The following IL1RAPL2 variants were observed in gnomAD, a reference collection of about 807,000 sequenced individuals.
IL1RAPL2 encodes interleukin 1 receptor accessory protein like 2.
Under a neutral mutation model 44.1 loss-of-function variants are expected in IL1RAPL2, and 3 were observed. The observed-to-expected ratio is 0.07, with a 90% CI of 0.03 to 0.18. IL1RAPL2 has a LOEUF of 0.18. IL1RAPL2 is among the 10% of genes least tolerant of loss of function. The pLI is 1.00. For missense variants in IL1RAPL2, 391 were observed against 496.4 expected, an observed-to-expected ratio of 0.79 and a Z score of 2.02; for synonymous variants, 181 against 178.8, an observed-to-expected ratio of 1.01 and a Z score of -0.10.
chrX:105,139,015 G>T (rs1052842477), intron 2 of IL1RAPL2, among the ~76,000 whole-genome samples: 3 of 111,307 alleles, frequency 2.7e-5, no homozygotes, highest in African/African-American at 9.8e-5. Flanking sequence ...CATACTAATG[G>T]TGATAATTTA....
chrX:105,586,526 G>A, intron 6 of IL1RAPL2, among the ~76,000 whole-genome samples: 1 of 111,545 alleles, frequency 9.0e-6, no homozygotes, highest in Non-Finnish European at 1.9e-5. Context: ...TTGAAATTTT[G>A]GTTTATGCCC....
At chrX:105,516,504 G>T (rs918220527) in intron 6 of IL1RAPL2, among the ~76,000 whole-genome samples, 3 of 111,760 alleles carry the variant, frequency 2.7e-5, no homozygotes, top group Non-Finnish European at 5.7e-5. Context: ...CTTTTAGAAG[G>T]TCAGTGAAAG....
Position 105,462,105 on chromosome X carries a change from T to A in IL1RAPL2, c.698-22208T>A, listed in dbSNP as rs771331525. Among the ~76,000 whole-genome samples, 4 of 111,249 alleles carry A rather than the reference T, an allele frequency of 3.6e-5. No homozygotes were observed. The East Asian group carries it at 1.1e-3, about 32-fold the overall frequency. On this transcript the variant is annotated intron_variant, in intron 5 of 10. Transcript: ENST00000372582. ...AACTTTCATACTGCGTCATTAATTCTTCCAGCCTGGGGATAGTCCCCAAAT... is the reference window on the plus strand; with the variant it reads ...AACTTTCATACTGCGTCATTAATTCATCCAGCCTGGGGATAGTCCCCAAAT...
At chrX:104,600,786 G>A (rs1224006772) in intron 1 of IL1RAPL2, among the ~76,000 whole-genome samples, 1 of 111,443 alleles carries the variant, frequency 9.0e-6, no homozygotes, top group Non-Finnish European at 1.9e-5. Context: ...TTCTGTTCCT[G>A]CATTAATTTG....
At chrX:105,478,251 A>G (rs1024016954) in intron 5 of IL1RAPL2, among the ~76,000 whole-genome samples, 4 of 111,328 alleles carry the variant, frequency 3.6e-5, no homozygotes, top group African/African-American at 1.3e-4. Context: ...TAGTTTCACA[A>G]CTGGGGGAAG....
In IL1RAPL2 at chrX:105,401,043, A is replaced by T. The variant is rs576569327; in HGVS notation, c.698-83270A>T. 7.2e-5 allele frequency among the ~76,000 whole-genome samples: 8 copies of T among 111,707 alleles called. No homozygotes were observed. The South Asian group carries it at 1.9e-3, about 26-fold the overall frequency. ...GAGGGGAGGAACAATTAATATTCAC[A>T]TGGCAGAAGGCAGAAGATCAAAGAG... On this transcript the variant is annotated intron_variant, in intron 5 of 10. Transcript: ENST00000372582.
At chrX:104,625,219 C>T (rs1929478072) in intron 1 of IL1RAPL2, among the ~76,000 whole-genome samples, 1 of 111,565 alleles carries the variant, frequency 9.0e-6, no homozygotes, top group Non-Finnish European at 1.9e-5. Context: ...CATCTATCCA[C>T]ATACCTGTGC....
At chrX:104,946,188 A>G (rs1452900258) in intron 2 of IL1RAPL2, among the ~76,000 whole-genome samples, 1 of 102,091 alleles carries the variant, frequency 9.8e-6, no homozygotes, top group Non-Finnish European at 2.0e-5. Flanking sequence ...CTGGCTAACA[A>G]GGTGAAACCC....
chrX:105,697,256 C>A (rs1254860732), intron 6 of IL1RAPL2, among the ~76,000 whole-genome samples: 1 of 98,324 alleles, frequency 1.0e-5, no homozygotes, highest in African/African-American at 3.9e-5. Context: ...AGGGGACAAA[C>A]ATCCAAACTA....
chrX:104,637,753 G>T (rs1189645967), intron 1 of IL1RAPL2, among the ~76,000 whole-genome samples: 1 of 107,620 alleles, frequency 9.3e-6, no homozygotes, highest in Non-Finnish European at 1.9e-5. Flanking sequence ...TGTTCCTCAG[G>T]GATATTGGCC....
chrX:104,919,224 CTT>C (rs35363128), intron 2 of IL1RAPL2, among the ~76,000 whole-genome samples: 2,070 of 95,819 alleles, frequency 0.022, 36 homozygotes, highest in Non-Finnish European at 0.028. Flanking sequence ...CTTTTTCTTT[CTT>C]TTTTTTTTTT....
chrX:104,582,854 T>G (rs1450168462), intron 1 of IL1RAPL2, among the ~76,000 whole-genome samples: 1 of 91,100 alleles, frequency 1.1e-5, no homozygotes, highest in Admixed American at 1.4e-4. Flanking sequence ...CTTTCTTTCT[T>G]TCTTTCTTTC....
intron 2 of IL1RAPL2, among the ~76,000 whole-genome samples, chrX:104,925,295 C>T (rs1602825852): frequency 9.2e-6 from 1 of 108,292 alleles, no homozygotes; most frequent in South Asian, 4.2e-4. Context: ...GAGTCAGTAC[C>T]ATCTCTACTG....
chrX:104,933,227 C>G (rs755389453), intron 2 of IL1RAPL2, among the ~76,000 whole-genome samples: 4 of 110,875 alleles, frequency 3.6e-5, no homozygotes, highest in Non-Finnish European at 7.6e-5. Flanking sequence ...ATGTAACAAA[C>G]CTGCATGTTG....
At chrX:105,625,438 G>T (rs1487910398) in intron 6 of IL1RAPL2, among the ~76,000 whole-genome samples, 1 of 112,104 alleles carries the variant, frequency 8.9e-6, no homozygotes, top group Non-Finnish European at 1.9e-5. Context: ...AATGAAATCT[G>T]CCTGTGGATG....
intron 6 of IL1RAPL2, among the ~76,000 whole-genome samples, chrX:105,668,047 A>T: frequency 1.1e-5 from 1 of 91,659 alleles, no homozygotes. Flanking sequence ...CTTTTTGTGA[A>T]TATGGGGTGG....
intron 2 of IL1RAPL2, among the ~76,000 whole-genome samples, chrX:104,751,321 T>C (rs1385062186): frequency 1.8e-5 from 2 of 111,635 alleles, no homozygotes; most frequent in Admixed American, 1.9e-4. Context: ...GTTCCTGCCC[T>C]CAGGGAGTTT....
intron 1 of IL1RAPL2, among the ~76,000 whole-genome samples, chrX:104,642,133 C>G (rs1470147345): frequency 2.7e-5 from 3 of 111,779 alleles, no homozygotes; most frequent in African/African-American, 9.8e-5. Flanking sequence ...AGCTGCCACT[C>G]AATCCTGGCC....
At chrX:104,859,989 C>T (rs952981933) in intron 2 of IL1RAPL2, among the ~76,000 whole-genome samples, 2 of 112,053 alleles carry the variant, frequency 1.8e-5, no homozygotes, top group Non-Finnish European at 3.8e-5. Context: ...AGACAGACAG[C>T]GTGTCATACT....
Sources: gnomAD v4.1 joint callset for allele counts (sites outside exome capture counted in the v4.1 genomes callset) on GRCh38, gnomAD v4.1.1 for gene constraint, MANE v1.5 for transcripts, NCBI Gene and HGNC (gene_info 2026-07-23, HGNC 2026-07-21) for gene names.